AKAP6: variants seen among roughly 807,000 people sequenced by gnomAD.
The protein encoded by AKAP6 is A-kinase anchoring protein 6, also known as A-kinase anchor protein 6.
AKAP6 carries 58 observed loss-of-function variants against 188.5 expected under a neutral mutation model. The observed-to-expected ratio is 0.31, with a 90% confidence interval of 0.25 to 0.38. The LOEUF is 0.38. Among genes scored for constraint, AKAP6 ranks in the 10% least tolerant of loss-of-function variants. The pLI is 1.00. For synonymous variants in AKAP6, 989 were observed against 998.6 expected (o/e 0.99, Z 0.18); for missense variants, 2,710 against 2,740.0 (o/e 0.99, Z 0.24).
intron 1 of AKAP6, among the ~76,000 whole-genome samples, chr14:32,420,005 C>T (rs1043557912): frequency 2.6e-5 from 4 of 152,090 alleles, no homozygotes; most frequent in Admixed American, 2.6e-4. Flanking sequence ...GCTCAATGTA[C>T]CTGAGAGTGT....
intron 11 of AKAP6, among the ~76,000 whole-genome samples, chr14:32,771,925 G>A (rs575152585): frequency 1.5e-4 from 23 of 152,168 alleles, no homozygotes; most frequent in African/African-American, 4.3e-4. Flanking sequence ...TCATTTGGCC[G>A]TAATGTTATC....
chr14:32,601,281 G>A (rs1380586702), intron 7 of AKAP6, among the ~76,000 whole-genome samples: 1 of 152,198 alleles, frequency 6.6e-6, no homozygotes, highest in East Asian at 1.9e-4. Context: ...TTAGGGGATG[G>A]TCATTGTAGT....
intron 7 of AKAP6, among the ~76,000 whole-genome samples, chr14:32,618,954 G>A (rs951118058): frequency 8.6e-5 from 13 of 151,762 alleles, no homozygotes; most frequent in South Asian, 6.2e-4. Flanking sequence ...GCATTTTTTC[G>A]TGTTTCTTGG....
chr14:32,620,149 C>G (rs533424154), intron 7 of AKAP6, among the ~76,000 whole-genome samples: 26 of 152,080 alleles, frequency 1.7e-4, no homozygotes, highest in African/African-American at 6.0e-4. Context: ...ATTTGGATGC[C>G]CTTTATTTCT....
chr14:32,402,626 G>A (rs1194299130), intron 1 of AKAP6, among the ~76,000 whole-genome samples: 1 of 152,112 alleles, frequency 6.6e-6, no homozygotes, highest in African/African-American at 2.4e-5. Flanking sequence ...ACAGCTGTTT[G>A]AAGGCAGGGA....
intron 1 of AKAP6, among the ~76,000 whole-genome samples, chr14:32,340,911 A>G (rs1226972346): frequency 1.3e-5 from 2 of 152,234 alleles, no homozygotes; most frequent in African/African-American, 4.8e-5. Flanking sequence ...GTTCCACCCT[A>G]TGATCTAATC....
intron 3 of AKAP6, among the ~76,000 whole-genome samples, chr14:32,537,084 A>T (rs919070748): frequency 2.0e-5 from 3 of 152,248 alleles, no homozygotes; most frequent in Non-Finnish European, 4.4e-5. Flanking sequence ...CTCCAACATT[A>T]TCAACAACAC....
intron 1 of AKAP6, among the ~76,000 whole-genome samples, chr14:32,330,326 G>T (rs113072637): frequency 2.0e-5 from 3 of 151,926 alleles, no homozygotes; most frequent in African/African-American, 4.8e-5. Flanking sequence ...CTCTAAACAC[G>T]TATCATTTTC....
chr14:32,373,795 C>T (rs1888081244), intron 1 of AKAP6, among the ~76,000 whole-genome samples: 1 of 152,122 alleles, frequency 6.6e-6, no homozygotes, highest in African/African-American at 2.4e-5. Context: ...AAAGGCGGTT[C>T]CATAAGGTCA....
At chr14:32,766,187 A>G (rs1420022444) in intron 11 of AKAP6, among the ~76,000 whole-genome samples, 1 of 152,126 alleles carries the variant, frequency 6.6e-6, no homozygotes, top group African/African-American at 2.4e-5. Context: ...GATATGTATA[A>G]GTACTTCATT....
intron 7 of AKAP6, among the ~76,000 whole-genome samples, chr14:32,639,520 T>C (rs564753295): frequency 2.6e-5 from 4 of 152,280 alleles, no homozygotes; most frequent in African/African-American, 9.6e-5. Context: ...GTATCTTCTA[T>C]GTGCTGGAAA....
At chr14:32,622,735 G>A (rs1356751745) in intron 7 of AKAP6, among the ~76,000 whole-genome samples, 1 of 152,166 alleles carries the variant, frequency 6.6e-6, no homozygotes, top group East Asian at 1.9e-4. Context: ...GCAAAGGCAG[G>A]TGGGGAGCTG....
chr14:32,351,224 A>G (rs1442597180), intron 1 of AKAP6, among the ~76,000 whole-genome samples: 2 of 152,214 alleles, frequency 1.3e-5, no homozygotes, highest in Non-Finnish European at 2.9e-5. Context: ...CTAGAGGTCT[A>G]AAAGAATCAT....
chr14:32,486,905 G>A (rs1879724098), intron 2 of AKAP6, among the ~76,000 whole-genome samples: 1 of 152,192 alleles, frequency 6.6e-6, no homozygotes, highest in African/African-American at 2.4e-5. Context: ...GGTTTTCAAA[G>A]GGAATGCTTC....
chr14:32,671,040 A>C (rs1889167675), intron 7 of AKAP6, among the ~76,000 whole-genome samples: 1 of 152,144 alleles, frequency 6.6e-6, no homozygotes, highest in Admixed American at 6.6e-5. Context: ...CAATTCACTG[A>C]GGGAAGATGG....
Position 32,695,976 on chromosome 14 carries a change from C to T in AKAP6, c.2880-14C>T, listed in dbSNP as rs3742929. ...CTGTATTTATGCATACTACATTTTGCGCCTTATCTTCAGGCTTCTGGACTT... is the reference window on the plus strand; with the variant it reads ...CTGTATTTATGCATACTACATTTTGTGCCTTATCTTCAGGCTTCTGGACTT... On this transcript the variant is annotated splice_polypyrimidine_tract_variant and intron_variant, in intron 8 of 13. Transcript: ENST00000280979. 0.56 allele frequency: 893,180 copies of T among 1,607,308 alleles called. 256,030 individuals carry two copies. Among genetic ancestry groups the T allele is most frequent in the East Asian group, 0.84 (37,650 of 44,756 alleles).
chr14:32,571,625 G>A (rs964604582), intron 4 of AKAP6, among the ~76,000 whole-genome samples: 1 of 152,162 alleles, frequency 6.6e-6, no homozygotes, highest in Non-Finnish European at 1.5e-5. Flanking sequence ...CAGCTAACTC[G>A]ATCTAGACTG....
chr14:32,805,932 C>A (rs1408736117), intron 12 of AKAP6, among the ~76,000 whole-genome samples: 1 of 152,200 alleles, frequency 6.6e-6, no homozygotes, highest in Non-Finnish European at 1.5e-5. Context: ...CAAGCAAACT[C>A]ATGAGGCCAT....
intron 4 of AKAP6, among the ~76,000 whole-genome samples, chr14:32,567,375 T>C (rs1334583452): frequency 6.6e-6 from 1 of 152,172 alleles, no homozygotes; most frequent in Admixed American, 6.5e-5. Context: ...CAGATGTGTT[T>C]AGATAATACT....
Sources: gnomAD v4.1 joint callset for allele counts (sites outside exome capture counted in the v4.1 genomes callset) on GRCh38, gnomAD v4.1.1 for gene constraint, MANE v1.5 for transcripts, NCBI Gene and HGNC (gene_info 2026-07-23, HGNC 2026-07-21) for gene names.